Variants in MACROH2A2 observed in about 807,000 individuals in gnomAD.
MACROH2A2 encodes macroH2A.2 histone, also known as core histone macro-H2A.2.
Under a neutral mutation model 37.6 loss-of-function variants are expected in MACROH2A2, and 6 were observed. That is an observed-to-expected ratio of 0.16 (90% CI 0.09 to 0.32). The LOEUF (loss-of-function observed/expected upper bound fraction) is 0.32. Ranked by LOEUF, MACROH2A2 falls within the 10% of genes least tolerant of loss-of-function variation. The pLI is 1.00. For synonymous variants in MACROH2A2, 192 were observed against 202.7 expected (o/e 0.95, Z 0.45); for missense variants, 290 against 485.9 (o/e 0.60, Z 3.79).
chr10:70,068,225 G>A (rs182019987), intron 1 of MACROH2A2, among the ~76,000 whole-genome samples: 1 of 151,940 alleles, frequency 6.6e-6, no homozygotes, highest in East Asian at 1.9e-4. Context: ...CAAGTCAGAA[G>A]TATAGGTTTA....
At chr10:70,070,514 C>T (rs191171308) in intron 1 of MACROH2A2, among the ~76,000 whole-genome samples, 125 of 152,074 alleles carry the variant, frequency 8.2e-4, no homozygotes, top group African/African-American at 2.7e-3. Flanking sequence ...GTTTTTGAGA[C>T]GGAGTTTCGC....
At chr10:70,055,533 G>T (rs12268220) in intron 1 of MACROH2A2, among the ~76,000 whole-genome samples, 1 of 146,380 alleles carries the variant, frequency 6.8e-6, no homozygotes, top group Non-Finnish European at 1.5e-5. Context: ...AACACCTCTA[G>T]ATAGGGAAAG....
chr10:70,090,475 A>G (rs892548374), intron 3 of MACROH2A2, among the ~76,000 whole-genome samples: 4 of 152,180 alleles, frequency 2.6e-5, no homozygotes, highest in African/African-American at 9.7e-5. Flanking sequence ...TCTTCACCCA[A>G]ACTTAGTTGA....
At chr10:70,108,574 T>C (rs2072351255) in intron 7 of MACROH2A2, among the ~76,000 whole-genome samples, 1 of 152,198 alleles carries the variant, frequency 6.6e-6, no homozygotes, top group African/African-American at 2.4e-5. Context: ...CAGTCCAGGA[T>C]CATCTCCCCA....
chr10:70,085,260 C>G (rs2072204325), intron 2 of MACROH2A2, among the ~76,000 whole-genome samples: 2 of 152,176 alleles, frequency 1.3e-5, no homozygotes, highest in African/African-American at 4.8e-5. Flanking sequence ...ACTGATTTTG[C>G]TTTACCTGTG....
chr10:70,056,162 TG>T (rs1458341346), intron 1 of MACROH2A2, among the ~76,000 whole-genome samples: 11 of 152,348 alleles, frequency 7.2e-5, no homozygotes, highest in African/African-American at 2.6e-4. Context: ...CTAGAGGAAT[TG>T]TCAAGAAGGG....
chr10:70,087,820 T>C (rs558494119), intron 2 of MACROH2A2, among the ~76,000 whole-genome samples: 103 of 152,354 alleles, frequency 6.8e-4, no homozygotes, highest in African/African-American at 2.4e-3. Flanking sequence ...GGAAAAGATG[T>C]GAGAATGAAT....
chr10:70,086,429 A>G (rs916499555), intron 2 of MACROH2A2, among the ~76,000 whole-genome samples: 5 of 152,150 alleles, frequency 3.3e-5, no homozygotes, highest in Non-Finnish European at 7.4e-5. Context: ...GCATTCCCTG[A>G]ATTGTGCTGC....
rs559244497 is a variant in MACROH2A2, at chr10:70,062,517, C to A, written c.-60+9517C>A. ...ATTCCATCATTAAAAGCTCTAAGAT[C>A]TCTTATTTCTAGATTTAAAATAATG... On this transcript the variant is annotated intron_variant, in intron 1 of 8. Coordinates refer to ENST00000373255, the MANE Select transcript of MACROH2A2 (RefSeq NM_018649.3). Among the ~76,000 whole-genome samples, 7 of 152,220 alleles carry A rather than the reference C, an allele frequency of 4.6e-5. No individual in the cohort carries two copies. In the East Asian group the frequency reaches 1.3e-3, roughly 29 times the overall value.
intron 1 of MACROH2A2, among the ~76,000 whole-genome samples, chr10:70,072,435 G>A (rs924971374): frequency 2.6e-5 from 4 of 152,046 alleles, no homozygotes; most frequent in Non-Finnish European, 5.9e-5. Flanking sequence ...TAATAATAAT[G>A]CCTCCTTCTG....
At chr10:70,094,839 G>A (rs527292092) in intron 5 of MACROH2A2, among the ~76,000 whole-genome samples, 73 of 152,262 alleles carry the variant, frequency 4.8e-4, no homozygotes, top group African/African-American at 1.6e-3. Flanking sequence ...AAGGGCAAGG[G>A]AGCCAGACAC....
At chr10:70,108,961 C>A in intron 7 of MACROH2A2, 72 bp from the exon 8 acceptor site, 1 of 1,340,400 alleles carries the variant, frequency 7.5e-7, no homozygotes, top group Non-Finnish European at 1.1e-6. Context: ...CTAACAGGTA[C>A]CTGATGAGGT....
intron 8 of MACROH2A2, 63 bp from the exon 9 acceptor site, chr10:70,111,455 C>G: frequency 6.7e-7 from 1 of 1,482,258 alleles, no homozygotes; most frequent in Non-Finnish European, 9.3e-7. Context: ...AACAAAGGCA[C>G]TTCATGCTCC....
intron 8 of MACROH2A2, among the ~76,000 whole-genome samples, chr10:70,111,232 G>A (rs2072371882): frequency 6.6e-6 from 1 of 152,102 alleles, no homozygotes; most frequent in African/African-American, 2.4e-5. Flanking sequence ...TCGCGCCACT[G>A]CACTCCAGCC....
At position 70,087,703 on chromosome 10, in the gene MACROH2A2, G is replaced by A. The variant is rs370800953; in HGVS notation, c.173-2357G>A. Among the ~76,000 whole-genome samples, 111 of 152,270 alleles carry A rather than the reference G, an allele frequency of 7.3e-4. No individual in the cohort carries two copies. In the South Asian group the frequency reaches 0.022, roughly 30 times the overall value. On this transcript the variant is annotated intron_variant, in intron 2 of 8. Coordinates refer to ENST00000373255, the MANE Select transcript of MACROH2A2 (RefSeq NM_018649.3). Reference sequence around the variant, plus strand: ...ATACCCTATCCCACTGTCCCGACACGCATGCTCACACTCCTCAAATTTTAG... The same window carrying A: ...ATACCCTATCCCACTGTCCCGACACACATGCTCACACTCCTCAAATTTTAG...
chr10:70,067,507 A>T lies in MACROH2A2; in HGVS notation c.-59-8093A>T, dbSNP rs1172034080. ...TCTGCAGAAAATATTTACAAATGTGATGAGCACTATACTCAGTTCTGCAGG... is the reference window on the plus strand; with the variant it reads ...TCTGCAGAAAATATTTACAAATGTGTTGAGCACTATACTCAGTTCTGCAGG... On this transcript the variant is annotated intron_variant, in intron 1 of 8. Coordinates refer to ENST00000373255, the MANE Select transcript of MACROH2A2 (RefSeq NM_018649.3). 2.6e-5 allele frequency among the ~76,000 whole-genome samples: 4 copies of T among 152,330 alleles called. No individual in the cohort carries two copies. The East Asian group carries it at 5.8e-4, about 22-fold the overall frequency.
At chr10:70,066,720 A>C (rs2072080957) in intron 1 of MACROH2A2, among the ~76,000 whole-genome samples, 1 of 152,272 alleles carries the variant, frequency 6.6e-6, no homozygotes, top group South Asian at 2.1e-4. Flanking sequence ...TACATGCTAA[A>C]ATGTGTTTGG....
chr10:70,087,704 CA>C (rs1564544890), intron 2 of MACROH2A2, among the ~76,000 whole-genome samples: 1 of 152,212 alleles, frequency 6.6e-6, no homozygotes, highest in Admixed American at 6.5e-5. Flanking sequence ...TCCCGACACG[CA>C]TGCTCACACT....
Position 70,090,111 on chromosome 10 carries a change from G to A in MACROH2A2, c.224G>A (p.Arg75Gln). Residue 75 changes from arginine to glutamine, a missense_variant, in exon 3 of 9, where the codon CGG becomes CAG. By Grantham distance (43) the Arg-to-Gln change is conservative. Around this residue, in one of 3 missense-constraint regions of MACROH2A2, gnomAD observed 83 missense variants for 159.9 expected, o/e 0.52. Coordinates refer to ENST00000373255, the MANE Select transcript of MACROH2A2 (RefSeq NM_018649.3). ...GNAARDNKKA[R>Q]IAPRHILLAV... is the part of the protein sequence containing the mutation. ...GCCGCGAGGGACAACAAGAAGGCCC[G>A]GATAGCCCCGAGACACATCTTGCTG... 1 of 1,614,036 alleles carries A rather than the reference G, an allele frequency of 6.2e-7. No homozygotes were observed. Among genetic ancestry groups the A allele is most frequent in the Non-Finnish European group, 8.5e-7 (1 of 1,179,870 alleles).
Sources: allele counts gnomAD v4.1 joint callset (sites outside exome capture counted in the v4.1 genomes callset), GRCh38; gene constraint gnomAD v4.1.1; regional missense constraint gnomAD v4.1.1; transcripts MANE v1.5; gene names NCBI Gene and HGNC (gene_info 2026-07-23, HGNC 2026-07-21).